ITPR1: variants seen among roughly 807,000 people sequenced by gnomAD.
ITPR1 encodes the protein inositol 1,4,5-trisphosphate-gated calcium channel ITPR1.
In ITPR1, 96 loss-of-function variants were observed where a neutral mutation model predicts 318.4. That is an observed-to-expected ratio of 0.30 (90% CI 0.26 to 0.36). The LOEUF (loss-of-function observed/expected upper bound fraction) is 0.36, where lower values mean the gene tolerates loss of function less well. ITPR1 is among the 10% of genes least tolerant of loss of function. ITPR1 has a pLI of 1.00. For missense variants in ITPR1, 2,440 were observed against 3,460.2 expected, an observed-to-expected ratio of 0.71 and a Z score of 7.40; for synonymous variants, 1,312 against 1,289.9, an observed-to-expected ratio of 1.02 and a Z score of -0.37.
At chr3:4,782,557 C>A in intron 49 of ITPR1, 62 bp from the exon 50 acceptor site, 1 of 1,501,450 alleles carries the variant, frequency 6.7e-7, no homozygotes, top group Non-Finnish European at 9.0e-7. Flanking sequence ...GCATGCTGTC[C>A]ATCCAGTCCT....
At chr3:4,748,445 AT>A (rs34606150) in intron 44 of ITPR1, among the ~76,000 whole-genome samples, 3 of 151,336 alleles carry the variant, frequency 2.0e-5, no homozygotes, top group South Asian at 2.1e-4. Flanking sequence ...ATGGAAGCAC[AT>A]TTTTTTTTAA....
At chr3:4,744,083 G>T (rs962808973) in intron 44 of ITPR1, among the ~76,000 whole-genome samples, 4 of 152,152 alleles carry the variant, frequency 2.6e-5, no homozygotes, top group Admixed American at 2.6e-4. Flanking sequence ...TGATCCGCCC[G>T]CCTCAGCCTC....
At chr3:4,628,517 G>A (rs1297116779) in intron 5 of ITPR1, among the ~76,000 whole-genome samples, 2 of 152,110 alleles carry the variant, frequency 1.3e-5, no homozygotes, top group African/African-American at 4.8e-5. Flanking sequence ...CCTGCATTCC[G>A]AGGCTAATCA....
intron 44 of ITPR1, among the ~76,000 whole-genome samples, chr3:4,758,772 G>T (rs1226333519): frequency 1.3e-5 from 2 of 152,176 alleles, no homozygotes; most frequent in East Asian, 1.9e-4. Flanking sequence ...CTAAATTATG[G>T]CCTTGGCTCC....
At chr3:4,606,362 G>A (rs1021246094) in intron 4 of ITPR1, among the ~76,000 whole-genome samples, 6 of 152,116 alleles carry the variant, frequency 3.9e-5, no homozygotes, top group African/African-American at 1.4e-4. Flanking sequence ...TGGCACTGAT[G>A]CTGCTGGTAA....
At position 4,656,401 on chromosome 3, in the gene ITPR1, C is replaced by T. The variant is rs190390222; in HGVS notation, c.997-1723C>T. On this transcript the variant is annotated intron_variant, in intron 12 of 61. Coordinates refer to ENST00000649015, the MANE Select transcript of ITPR1 (RefSeq NM_001378452.1). ...GATGGTTCGGAGAGAACAAATGTTG[C>T]TCAAAGTTCTTACTCCTAAACTGCA... Among the ~76,000 whole-genome samples the T allele has an allele frequency of 2.6e-4, 39 of 152,266 alleles. 1 individual carries two copies. In the East Asian group the frequency reaches 5.2e-3, roughly 20 times the overall value.
At chr3:4,607,847 C>T (rs999501697) in intron 4 of ITPR1, among the ~76,000 whole-genome samples, 1 of 152,040 alleles carries the variant, frequency 6.6e-6, no homozygotes, top group Non-Finnish European at 1.5e-5. Flanking sequence ...TTAGGATCTA[C>T]CACAGTGATG....
chr3:4,622,556 T>G (rs1014440940), intron 4 of ITPR1, among the ~76,000 whole-genome samples: 6 of 151,866 alleles, frequency 4.0e-5, no homozygotes, highest in African/African-American at 1.5e-4. Flanking sequence ...CCTGAGTAGC[T>G]GGGACTACAG....
At chr3:4,732,761 T>C (rs573081766) in intron 42 of ITPR1, among the ~76,000 whole-genome samples, 6 of 152,230 alleles carry the variant, frequency 3.9e-5, no homozygotes, top group Non-Finnish European at 8.8e-5. Flanking sequence ...GCCTTTTCAA[T>C]TTGTCTTAAT....
At chr3:4,525,167 A>G (rs2082880978) in intron 4 of ITPR1, among the ~76,000 whole-genome samples, 1 of 152,164 alleles carries the variant, frequency 6.6e-6, no homozygotes, top group Non-Finnish European at 1.5e-5. Context: ...GTGCTCGTGT[A>G]TGCAAGCTGA....
intron 44 of ITPR1, among the ~76,000 whole-genome samples, chr3:4,744,934 T>C (rs201963449): frequency 1.3e-3 from 71 of 52,706 alleles, no homozygotes; most frequent in South Asian, 2.9e-3. Flanking sequence ...CCTTCCTTCC[T>C]TCCTTCCTTC....
intron 55 of ITPR1, among the ~76,000 whole-genome samples, chr3:4,808,099 C>A (rs2048705693): frequency 3.3e-5 from 5 of 152,240 alleles, no homozygotes; most frequent in Admixed American, 3.3e-4. Flanking sequence ...TGACGCAGGG[C>A]ACATAATGGT....
At chr3:4,745,190 CTT>C (rs1334150610) in intron 44 of ITPR1, among the ~76,000 whole-genome samples, 2 of 120,132 alleles carry the variant, frequency 1.7e-5, no homozygotes, top group South Asian at 2.8e-4. Flanking sequence ...TCATTTTTTT[CTT>C]TCTTTTCTTT....
intron 4 of ITPR1, among the ~76,000 whole-genome samples, chr3:4,544,375 G>T (rs973253567): frequency 8.5e-5 from 13 of 152,184 alleles, no homozygotes; most frequent in Admixed American, 3.9e-4. Context: ...ATCCACAGGA[G>T]CAAGTAGCTC....
intron 4 of ITPR1, among the ~76,000 whole-genome samples, chr3:4,599,956 C>T (rs1490197074): frequency 6.6e-6 from 1 of 152,126 alleles, no homozygotes; most frequent in East Asian, 1.9e-4. Flanking sequence ...CTCCTCCTGC[C>T]CATTGGTTGT....
intron 4 of ITPR1, among the ~76,000 whole-genome samples, chr3:4,551,248 G>A (rs538095582): frequency 6.6e-6 from 1 of 152,268 alleles, no homozygotes; most frequent in East Asian, 1.9e-4. Context: ...AAGACCATCT[G>A]GAGTCTAGAA....
In ITPR1 at chr3:4,697,167, C is replaced by T. The variant is rs1361973485; in HGVS notation, c.4302C>T (p.Asn1434=). ...CIPEVKIAYI[N]FLNHCYVDTE... is the part of the protein sequence containing the mutation. Reference sequence around the variant, plus strand: ...TGCAGGTTAAAATTGCATACATTAACTTCCTGAATCACTGCTATGTGGATA... The same window carrying T: ...TGCAGGTTAAAATTGCATACATTAATTTCCTGAATCACTGCTATGTGGATA... Residue 1434 remains asparagine, a synonymous_variant, in exon 34 of 62, where the codon AAC becomes AAT. Coordinates refer to ENST00000649015, the MANE Select transcript of ITPR1 (RefSeq NM_001378452.1). The T allele has an allele frequency of 2.5e-6, 4 of 1,609,924 alleles. No individual in the cohort carries two copies. Among genetic ancestry groups the T allele is most frequent in the Non-Finnish European group, 2.5e-6 (3 of 1,177,786 alleles).
intron 48 of ITPR1, 81 bp downstream of exon 48, chr3:4,777,455 A>T (rs902353063): frequency 4.6e-5 from 36 of 789,618 alleles, no homozygotes; most frequent in Non-Finnish European, 7.3e-5. Context: ...CACATGGGCA[A>T]TTAGTCATGA....
chr3:4,663,237 G>T, intron 16 of ITPR1, 31 bp downstream of exon 16: 2 of 1,581,120 alleles, frequency 1.3e-6, no homozygotes, highest in Non-Finnish European at 1.7e-6. Context: ...TGGGGATTTG[G>T]CTTTATGAGA....
Sources: allele counts gnomAD v4.1 joint callset (sites outside exome capture counted in the v4.1 genomes callset), GRCh38; gene constraint gnomAD v4.1.1; transcripts MANE v1.5; gene names NCBI Gene and HGNC (gene_info 2026-07-23, HGNC 2026-07-21).